EPX: variants seen among roughly 807,000 people sequenced by gnomAD.
The protein encoded by EPX is eosinophil peroxidase.
In EPX, 60 loss-of-function variants were observed where a neutral mutation model predicts 73.0. The observed-to-expected ratio is 0.82, with a 90% CI of 0.67 to 1.02. EPX has a LOEUF of 1.02. Ranked by LOEUF, EPX falls within the 50% of genes least tolerant of loss-of-function variation. The pLI, the probability that EPX is intolerant of heterozygous loss-of-function variation, is 0.00. For synonymous variants in EPX, 347 were observed against 389.2 expected (o/e 0.89, Z 1.28); for missense variants, 950 against 973.9 (o/e 0.98, Z 0.33).
rs369339605 is a variant in EPX, at chr17:58,193,782, G to A, written c.415G>A (p.Glu139Lys). ...ASGCALRDQAERCSDKYRTIT... is the reference protein window; with the variant it reads ...ASGCALRDQAKRCSDKYRTIT... ...TGGCTGTGCTCTCCGGGACCAGGCC[G>A]AGCGCTGCAGCGACAAGTACCGCAC... Residue 139 changes from glutamate (E) to lysine (K), a missense_variant, in exon 4 of 13, where the codon GAG (glutamate) becomes AAG (lysine). Coordinates refer to ENST00000225371, the MANE Select transcript of EPX (RefSeq NM_000502.6). 9.3e-6 allele frequency: 15 copies of A among 1,612,978 alleles called. No homozygotes were observed. The highest frequency in any genetic ancestry group is 4.0e-5 in the African/African-American group (3 of 74,890).
At position 58,195,124 on chromosome 17, in the gene EPX, A is replaced by T; in HGVS notation, c.755A>T (p.Asp252Val). ...AGAGTGGCCTTCACTGCAGGCGTTGACTGTGAGAGGACCTGCGCCCAGCTG... is the reference window on the plus strand; with the variant it reads ...AGAGTGGCCTTCACTGCAGGCGTTGTCTGTGAGAGGACCTGCGCCCAGCTG... ...PARVAFTAGV[D>V]CERTCAQLPP... Residue 252 changes from aspartate to valine, a missense_variant, in exon 6 of 13, where the codon GAC (aspartate) becomes GTC (valine). Physicochemically the swap from Asp to Val is radical, Grantham distance 152. Transcript: ENST00000225371. The T allele has an allele frequency of 6.2e-7, 1 of 1,614,098 alleles. No individual in the cohort carries two copies. Among genetic ancestry groups the T allele is most frequent in the Non-Finnish European group, 8.5e-7 (1 of 1,179,998 alleles).
In EPX at chr17:58,199,051, T is replaced by C. The variant is rs1439178803; in HGVS notation, c.1132T>C (p.Ser378Pro). Reference protein sequence around the residue: ...IPCFLAGDTRSTETPKLAAMH... With the variant: ...IPCFLAGDTRPTETPKLAAMH... ...TTGGGGTTTTCAAGGTGACACCCGA[T>C]CAACGGAAACCCCCAAACTGGCAGC... Residue 378 changes from serine to proline, a missense_variant, in exon 8 of 13, where the codon TCA becomes CCA. Physicochemically the swap from Ser to Pro is moderately conservative, Grantham distance 74. Coordinates refer to ENST00000225371, the MANE Select transcript of EPX (RefSeq NM_000502.6). The C allele has an allele frequency of 1.9e-6, 3 of 1,613,778 alleles. No homozygotes were observed. The highest frequency in any genetic ancestry group is 2.5e-6 in the Non-Finnish European group (3 of 1,179,988).
chr17:58,200,652 A>T (rs1056805285), intron 10 of EPX, among the ~76,000 whole-genome samples: 1 of 152,184 alleles, frequency 6.6e-6, no homozygotes, highest in African/African-American at 2.4e-5. Context: ...TCAGGAGCTG[A>T]AAAAGGGAGG....
chr17:58,192,950 G>A, intron 1 of EPX, 28 bp downstream of exon 1: 2 of 1,610,102 alleles, frequency 1.2e-6, no homozygotes, highest in Non-Finnish European at 1.7e-6. Flanking sequence ...AGGCAAGGAG[G>A]AGGGAGGGGA....
Position 58,196,932 on chromosome 17 carries a change from A to G in EPX, c.802-7A>G. On this transcript the variant is annotated splice_region_variant and splice_polypyrimidine_tract_variant and intron_variant, in intron 6 of 12. Coordinates refer to ENST00000225371, the MANE Select transcript of EPX (RefSeq NM_000502.6). ...GCCCCATGTCACTGTCTCCTCTTCC[A>G]TCTCAGATCCCACCCAATGACCCCC... 2 of 1,612,974 alleles carry G rather than the reference A, an allele frequency of 1.2e-6. No individual in the cohort carries two copies. The highest frequency in any genetic ancestry group is 1.7e-6 in the Non-Finnish European group (2 of 1,179,760).
intron 7 of EPX, among the ~76,000 whole-genome samples, chr17:58,198,598 G>C (rs1968294249): frequency 6.6e-6 from 1 of 152,198 alleles, no homozygotes. Context: ...GGGGAGAGCA[G>C]TATTATACCA....
intron 10 of EPX, chr17:58,202,696 T>G: frequency 3.5e-6 from 1 of 287,434 alleles, no homozygotes; most frequent in Admixed American, 4.7e-5. Context: ...CATTTATTCA[T>G]TTGCTCACTC....
chr17:58,193,156 T>C lies in EPX; in HGVS notation c.170+25T>C, dbSNP rs780703248. ...GGTGGACTTGGGTCTGGGGGCTGCA[T>C]GGGCCTGGGAGGATCAGTGAGGGGC... On this transcript the variant is annotated intron_variant, in intron 2 of 12. Coordinates refer to ENST00000225371, the MANE Select transcript of EPX (RefSeq NM_000502.6). The C allele has an allele frequency of 2.3e-5, 35 of 1,532,086 alleles. No homozygotes were observed. In the African/African-American group the frequency reaches 4.2e-4, roughly 19 times the overall value. 94.9% of individuals were successfully genotyped at this position (1,532,086 alleles called of 1,614,324 possible).
At chr17:58,193,586 C>T (rs1968209438) in intron 3 of EPX, 40 bp downstream of exon 3, 5 of 1,607,008 alleles carry the variant, frequency 3.1e-6, no homozygotes, top group Non-Finnish European at 3.4e-6. Flanking sequence ...CCTACCCTGG[C>T]CTGGAGTAGA....
At chr17:58,199,289 C>G in intron 8 of EPX, 89 bp downstream of exon 8, 1 of 1,431,760 alleles carries the variant, frequency 7.0e-7, no homozygotes, top group Non-Finnish European at 9.7e-7. Context: ...GTGCCTAAAA[C>G]CAGCTGGGTC....
In EPX at chr17:58,204,351, C is replaced by A; in HGVS notation, c.2076C>A (p.Asn692Lys). ...TTVSRDIFRA[N>K]IYPRGFVNCS... Reference sequence around the variant, plus strand: ...TTTCAAGGGACATCTTCAGAGCCAACATCTACCCTCGGGGCTTTGTGAACT... The same window carrying A: ...TTTCAAGGGACATCTTCAGAGCCAAAATCTACCCTCGGGGCTTTGTGAACT... Residue 692 changes from asparagine to lysine, a missense_variant, in exon 12 of 13, where the codon AAC (asparagine) becomes AAA (lysine). Physicochemically the swap from Asn to Lys is moderately conservative, Grantham distance 94 (BLOSUM62 0). Transcript: ENST00000225371. The A allele has an allele frequency of 1.2e-6, 2 of 1,614,086 alleles. No homozygotes were observed. The highest frequency in any genetic ancestry group is 8.5e-7 in the Non-Finnish European group (1 of 1,179,930).
At chr17:58,195,654 C>G (rs1367403379) in intron 6 of EPX, among the ~76,000 whole-genome samples, 2 of 152,134 alleles carry the variant, frequency 1.3e-5, no homozygotes, top group Non-Finnish European at 2.9e-5. Context: ...AGCAGAGTCT[C>G]TGCTAGGAAC....
At position 58,193,966 on chromosome 17, in the gene EPX, G is replaced by A; in HGVS notation, c.468G>A (p.Arg156=). ...CCTATCCCACCCATGGCTGCAGGAG[G>A]AGACCCTTGCTAGGGGCCTCCAACC... ...RTITGRCNNK[R]RPLLGASNQA... Residue 156 remains arginine, a synonymous_variant, in exon 5 of 13, where the codon AGG becomes AGA. Coordinates refer to ENST00000225371, the MANE Select transcript of EPX (RefSeq NM_000502.6). 3 of 1,612,864 alleles carry A rather than the reference G, an allele frequency of 1.9e-6. No individual in the cohort carries two copies. In the South Asian group the frequency reaches 3.3e-5, roughly 18 times the overall value.
intron 3 of EPX, 52 bp from the exon 4 acceptor site, chr17:58,193,662 A>C: frequency 6.5e-7 from 1 of 1,540,824 alleles, no homozygotes; most frequent in Non-Finnish European, 9.0e-7. Context: ...GGGTAAAGGG[A>C]TGGGAGGTAC....
In EPX at chr17:58,203,192, G is replaced by C; in HGVS notation, c.1820G>C (p.Gly607Ala). The change falls in exon 11 of 13, where the codon GGA becomes GCA. Residue 607 changes from glycine to alanine, a missense_variant. Transcript: ENST00000225371. ...DLARKFLNLY[G>A]TPDNIDIWIG... ...GCAAGGAAGTTCCTGAATTTGTATG[G>C]AACACCTGACAACATTGACATCTGG... 1 of 1,614,168 alleles carries C rather than the reference G, an allele frequency of 6.2e-7. No homozygotes were observed. The highest frequency in any genetic ancestry group is 8.5e-7 in the Non-Finnish European group (1 of 1,180,010).
chr17:58,199,081 C>A lies in EPX; in HGVS notation c.1162C>A (p.His388Asn). The A allele has an allele frequency of 6.2e-7, 1 of 1,614,094 alleles. No homozygotes were observed. Among genetic ancestry groups the A allele is most frequent in the Non-Finnish European group, 8.5e-7 (1 of 1,180,010 alleles). ...GGAAACCCCCAAACTGGCAGCCATG[C>A]ACACCCTCTTTATGCGAGAGCACAA... ...STETPKLAAM[H>N]TLFMREHNRL... Residue 388 changes from histidine (H) to asparagine (N), a missense_variant, in exon 8 of 13, where the codon CAC becomes AAC. Physicochemically the swap from His to Asn is moderately conservative, Grantham distance 68. Coordinates refer to ENST00000225371, the MANE Select transcript of EPX (RefSeq NM_000502.6).
intron 3 of EPX, 24 bp from the exon 4 acceptor site, chr17:58,193,690 G>T (rs572782354): frequency 1.3e-6 from 2 of 1,574,446 alleles, no homozygotes; most frequent in Non-Finnish European, 1.7e-6. Context: ...GCCAGCTCAG[G>T]TCTGCCCATT....
At chr17:58,196,032 T>C (rs57191814) in intron 6 of EPX, among the ~76,000 whole-genome samples, 3,464 of 126,566 alleles carry the variant, frequency 0.027, 129 homozygotes, top group African/African-American at 0.11. Context: ...TTCCTTCCTT[T>C]CTTTCTTTCT....
At chr17:58,196,019 T>C (rs1406302437) in intron 6 of EPX, among the ~76,000 whole-genome samples, 2 of 139,160 alleles carry the variant, frequency 1.4e-5, no homozygotes, top group Admixed American at 1.4e-4. Flanking sequence ...TTCCTTCATT[T>C]CCTTCCTTCC....
Sources: allele counts gnomAD v4.1 joint callset (sites outside exome capture counted in the v4.1 genomes callset), GRCh38; gene constraint gnomAD v4.1.1; transcripts MANE v1.5; gene names NCBI Gene and HGNC (gene_info 2026-07-23, HGNC 2026-07-21).